LOXHD1: variants seen among roughly 807,000 people sequenced by gnomAD.
LOXHD1 encodes lipoxygenase homology PLAT domains 1, also known as lipoxygenase homology domain-containing protein 1.
Under a neutral mutation model 248.2 loss-of-function variants are expected in LOXHD1, and 205 were observed. That is an observed-to-expected ratio of 0.83 (90% confidence interval 0.74 to 0.93). LOXHD1 has a LOEUF of 0.93. Among genes scored for constraint, LOXHD1 ranks in the 40% least tolerant of loss-of-function variants. The pLI is 0.00. For missense variants in LOXHD1, 2,930 were observed against 2,971.6 expected, an observed-to-expected ratio of 0.99 and a Z score of 0.33; for synonymous variants, 1,113 against 1,162.8, an observed-to-expected ratio of 0.96 and a Z score of 0.87.
intron 8 of LOXHD1, among the ~76,000 whole-genome samples, chr18:46,599,316 C>G (rs2038302078): frequency 6.6e-6 from 1 of 152,148 alleles, no homozygotes; most frequent in African/African-American, 2.4e-5. Context: ...GCCTAGGAAT[C>G]TATTTTTATC....
At chr18:46,559,320 A>G in intron 20 of LOXHD1, 128 bp downstream of exon 20, 1 of 1,547,196 alleles carries the variant, frequency 6.5e-7, no homozygotes, top group African/African-American at 1.4e-5. Flanking sequence ...ACTGCCATGA[A>G]ACCTGGTGGG....
chr18:46,542,669 A>G (rs2036612677), intron 24 of LOXHD1, 58 bp downstream of exon 24: 3 of 1,541,268 alleles, frequency 1.9e-6, no homozygotes, highest in Non-Finnish European at 2.6e-6. Context: ...GATGCCCACA[A>G]GGACCTGTCC....
chr18:46,574,440 T>G (rs2037816320), intron 14 of LOXHD1, among the ~76,000 whole-genome samples: 1 of 110,694 alleles, frequency 9.0e-6, no homozygotes, highest in Non-Finnish European at 1.8e-5. Context: ...GCAGAAATTC[T>G]GATAAATAGA....
At chr18:46,493,834 G>A (rs1006323381) in intron 37 of LOXHD1, among the ~76,000 whole-genome samples, 2 of 152,156 alleles carry the variant, frequency 1.3e-5, no homozygotes, top group Admixed American at 6.5e-5. Flanking sequence ...CACATCTGAT[G>A]GGACAAAAGG....
At chr18:46,580,975 T>C (rs1348832251) in intron 12 of LOXHD1, among the ~76,000 whole-genome samples, 1 of 151,948 alleles carries the variant, frequency 6.6e-6, no homozygotes, top group African/African-American at 2.4e-5. Context: ...ATACATGGGG[T>C]GTAGCGGGTC....
chr18:46,609,786 A>G (rs1338770062), intron 6 of LOXHD1, among the ~76,000 whole-genome samples: 1 of 152,208 alleles, frequency 6.6e-6, no homozygotes, highest in Non-Finnish European at 1.5e-5. Flanking sequence ...GAGGTTTAAA[A>G]TGACAGGAAA....
intron 35 of LOXHD1, among the ~76,000 whole-genome samples, chr18:46,508,386 C>T (rs1263111919): frequency 1.3e-5 from 2 of 152,140 alleles, no homozygotes; most frequent in Non-Finnish European, 1.5e-5. Context: ...GGCCCTAGTC[C>T]AATCTTATAC....
Position 46,534,386 on chromosome 18 carries a change from A to G in LOXHD1, c.4161T>C (p.Pro1387=). ...RIGHNNTGMN[P]GWHCSHVDIR... ...TGTCCACGTGAGAGCAGTGCCACCC[A>G]GGATTCATGCCCGTGTTATTATGGC... Residue 1387 remains proline (P), a synonymous_variant, in exon 27 of 41, where the codon CCT becomes CCC. Transcript: ENST00000642948. 1.3e-6 allele frequency: 2 copies of G among 1,551,744 alleles called. No individual in the cohort carries two copies. The highest frequency in any genetic ancestry group is 1.7e-6 in the Non-Finnish European group (2 of 1,147,002).
In LOXHD1 at chr18:46,560,373, C is replaced by T. The variant is rs140904207; in HGVS notation, c.2771G>A (p.Arg924Gln). The T allele has an allele frequency of 4.9e-5, 76 of 1,552,578 alleles. No individual in the cohort carries two copies. The highest frequency in any genetic ancestry group is 1.7e-4 in the Middle Eastern group (1 of 5,996). Residue 924 changes from arginine to glutamine, a missense_variant, in exon 19 of 41, where the codon CGG becomes CAG. Arg to Gln is a conservative substitution (Grantham distance 43). Transcript: ENST00000642948. ...CAGCCGCTCCTTCTTGAGCAGCTGC[C>T]GCAGCTTGTCCTTCTCCTTCTTCTT... ...ARKKKEKDKL[R>Q]QLLKKERLKA...
chr18:46,560,014 C>G, intron 19 of LOXHD1, 69 bp downstream of exon 19: 1 of 1,491,452 alleles, frequency 6.7e-7, no homozygotes, highest in East Asian at 2.5e-5. Flanking sequence ...CCCCTGCCCC[C>G]AGTGGGCCCC....
intron 37 of LOXHD1, among the ~76,000 whole-genome samples, chr18:46,494,992 TACAGGCGCCCGCC>T (rs1736026335): frequency 6.6e-6 from 1 of 151,690 alleles, no homozygotes; most frequent in African/African-American, 2.4e-5. Context: ...TAGCTGGGAC[TACAGGCGCCCGCC>T]ACTGCGCCCG....
At chr18:46,565,720 G>T (rs1346472699) in intron 17 of LOXHD1, among the ~76,000 whole-genome samples, 1 of 152,118 alleles carries the variant, frequency 6.6e-6, no homozygotes, top group East Asian at 1.9e-4. Flanking sequence ...CTAATACAAG[G>T]TAAATGCTAT....
chr18:46,518,334 G>C, intron 33 of LOXHD1, 78 bp from the exon 34 acceptor site: 3 of 1,490,618 alleles, frequency 2.0e-6, no homozygotes, highest in South Asian at 2.5e-5. Context: ...TCTCACCAGA[G>C]AAAGAGACAC....
In LOXHD1 at chr18:46,545,224, A is replaced by G. The variant is rs2036748247; in HGVS notation, c.3619+93T>C. 5 of 883,600 alleles carry G rather than the reference A, an allele frequency of 5.7e-6. No homozygotes were observed. The South Asian group carries it at 5.9e-5, about 10-fold the overall frequency. The allele number at this position is 883,600 out of a possible 1,614,324, so 54.7% of individuals were successfully genotyped here. ...TTGCATCCTATTGAGAGACAAAAGCATAATTAGGATTCCCCTTGGAAATTT... is the reference window on the plus strand; with the variant it reads ...TTGCATCCTATTGAGAGACAAAAGCGTAATTAGGATTCCCCTTGGAAATTT... On this transcript the variant is annotated intron_variant, in intron 23 of 40. Transcript: ENST00000642948.
intron 6 of LOXHD1, among the ~76,000 whole-genome samples, chr18:46,608,178 C>A (rs750681740): frequency 6.6e-6 from 1 of 151,950 alleles, no homozygotes; most frequent in Non-Finnish European, 1.5e-5. Flanking sequence ...AAGCATCTGG[C>A]AGGAAAAAAA....
At chr18:46,531,419 C>T (rs1004290801) in intron 28 of LOXHD1, among the ~76,000 whole-genome samples, 2 of 152,112 alleles carry the variant, frequency 1.3e-5, no homozygotes, top group Non-Finnish European at 2.9e-5. Flanking sequence ...CCCTCATTTT[C>T]CCCCTCATCC....
intron 12 of LOXHD1, among the ~76,000 whole-genome samples, chr18:46,586,574 T>C (rs1163185028): frequency 4.6e-5 from 7 of 151,984 alleles, no homozygotes; most frequent in African/African-American, 1.7e-4. Context: ...GCCTCCCGAG[T>C]AACTGGGATT....
At chr18:46,556,647 C>G (rs184572698) in intron 21 of LOXHD1, 3 of 167,362 alleles carry the variant, frequency 1.8e-5, no homozygotes, top group African/African-American at 7.3e-5. Context: ...CATCCTCATA[C>G]CTGCCCACCC....
intron 1 of LOXHD1, among the ~76,000 whole-genome samples, chr18:46,650,080 G>A (rs1323856518): frequency 6.6e-6 from 1 of 152,082 alleles, no homozygotes; most frequent in African/African-American, 2.4e-5. Context: ...GAAGGTTGCT[G>A]CCACCAGCCA....
Sources: allele counts gnomAD v4.1 joint callset (sites outside exome capture counted in the v4.1 genomes callset), GRCh38; gene constraint gnomAD v4.1.1; transcripts MANE v1.5; gene names NCBI Gene and HGNC (gene_info 2026-07-23, HGNC 2026-07-21).